The following SENP2 variants were observed in gnomAD, a reference collection of about 807,000 sequenced individuals.
SENP2 encodes the protein SUMO specific peptidase 2.
A neutral mutation model predicts 86.3 loss-of-function variants in SENP2; 16 were observed. That is an observed-to-expected ratio of 0.19 (90% CI 0.13 to 0.28). SENP2 has a LOEUF of 0.28. Among genes scored for constraint, SENP2 ranks in the 10% least tolerant of loss-of-function variants. SENP2 has a pLI of 1.00. For missense variants in SENP2, 552 were observed against 703.0 expected (o/e 0.79, Z 2.43); for synonymous variants, 222 against 238.7 (o/e 0.93, Z 0.64).
intron 16 of SENP2, 31 bp downstream of exon 16, chr3:185,626,424 T>C: frequency 1.4e-6 from 2 of 1,471,528 alleles, no homozygotes; most frequent in Non-Finnish European, 1.9e-6. Context: ...TCCATTTACT[T>C]GTTACTAAGC....
chr3:185,626,266 T>A (rs1419582432), intron 15 of SENP2, 32 bp from the exon 16 acceptor site: 1 of 1,412,372 alleles, frequency 7.1e-7, no homozygotes, highest in Non-Finnish European at 9.9e-7. Context: ...TGTTTTACCC[T>A]TTCCTCTCTT....
intron 5 of SENP2, among the ~76,000 whole-genome samples, chr3:185,602,257 T>C (rs1305181691): frequency 6.6e-6 from 1 of 152,178 alleles, no homozygotes; most frequent in Non-Finnish European, 1.5e-5. Context: ...AACTAAAAAC[T>C]AGCGCCCTCT....
At chr3:185,592,007 A>ATATTTTTTTTT (rs1722015953) in intron 2 of SENP2, among the ~76,000 whole-genome samples, 1 of 35,082 alleles carries the variant, frequency 2.9e-5, no homozygotes, top group East Asian at 8.3e-4. Context: ...AACCGGTAAT[A>ATATTTTTTTTT]TTTCTTTTTT....
rs1712561322 is a variant in SENP2, at chr3:185,633,000, C to G, written c.*3156C>G. On this transcript the variant is annotated 3_prime_UTR_variant, in exon 17 of 17. Transcript: ENST00000296257. The stretch of plus-strand genomic sequence containing the variant: ...GAGCTGGATGGGGGTGGGAGGGAAA[C>G]AGATTTGGGGCATATGGAAGATATT... The G allele has an allele frequency of 6.6e-6, 1 of 152,156 alleles. No homozygotes were observed. Among genetic ancestry groups the G allele is most frequent in the Non-Finnish European group, 1.5e-5 (1 of 68,018 alleles). 9.4% of individuals were successfully genotyped at this position (152,156 alleles called of 1,614,324 possible). A position where few individuals can be genotyped will look rare whatever the true frequency, so the allele number is the denominator to read the frequency against.
At chr3:185,619,639 G>GTT (rs911344384) in intron 13 of SENP2, 137 bp downstream of exon 13, 60 of 411,598 alleles carry the variant, frequency 1.5e-4, no homozygotes, top group South Asian at 4.2e-4. Context: ...TCTCTTTTTA[G>GTT]TTTTTTTTTT....
intron 11 of SENP2, 114 bp downstream of exon 11, chr3:185,614,854 A>G: frequency 1.1e-6 from 1 of 949,398 alleles, no homozygotes; most frequent in Non-Finnish European, 1.6e-6. Flanking sequence ...GAATATATGA[A>G]AACATGTCAG....
Position 185,614,654 on chromosome 3 carries a change from A to G in SENP2, c.1024A>G (p.Lys342Glu), listed in dbSNP as rs1482072196. 1 of 1,614,130 alleles carries G rather than the reference A, an allele frequency of 6.2e-7. No individual in the cohort carries two copies. Among genetic ancestry groups the G allele is most frequent in the Non-Finnish European group, 8.5e-7 (1 of 1,180,052 alleles). Reference sequence around the variant, plus strand: ...TGGAAGCAATGGCTTACTCAGGAGGAAAGTGTCAATAATTGAGACAAAGGA... The same window carrying G: ...TGGAAGCAATGGCTTACTCAGGAGGGAAGTGTCAATAATTGAGACAAAGGA... The part of the protein sequence containing the change: ...GSGSNGLLRR[K>E]VSIIETKEKN... Residue 342 changes from lysine (K) to glutamate (E), a missense_variant, in exon 11 of 17, where the codon AAA becomes GAA. By Grantham distance (56) the Lys-to-Glu change is moderately conservative. This residue lies in a region of SENP2 where 383 missense variants were observed against 427.3 expected (regional missense o/e 0.90). Coordinates refer to ENST00000296257, the MANE Select transcript of SENP2 (RefSeq NM_021627.3).
rs532074337 is a variant in SENP2, at chr3:185,610,953, G to A, written c.723-698G>A. ...AGCCTGAGCTACAGATCGAGACTCCGTCTCAAAATAAATAAATAAATAATT... is the reference window on the plus strand; with the variant it reads ...AGCCTGAGCTACAGATCGAGACTCCATCTCAAAATAAATAAATAAATAATT... On this transcript the variant is annotated intron_variant, in intron 7 of 16. Coordinates refer to ENST00000296257, the MANE Select transcript of SENP2 (RefSeq NM_021627.3). 7.2e-5 allele frequency among the ~76,000 whole-genome samples: 11 copies of A among 151,824 alleles called. No homozygotes were observed. In the South Asian group the frequency reaches 8.3e-4, roughly 11 times the overall value.
At chr3:185,599,568 T>C (rs181008201) in intron 4 of SENP2, among the ~76,000 whole-genome samples, 1 of 152,236 alleles carries the variant, frequency 6.6e-6, no homozygotes, top group East Asian at 1.9e-4. Flanking sequence ...AGTTGTGATG[T>C]CTGCCACTCA....
intron 7 of SENP2, among the ~76,000 whole-genome samples, chr3:185,610,122 C>T (rs185940602): frequency 1.4e-5 from 2 of 147,370 alleles, no homozygotes; most frequent in African/African-American, 2.5e-5. Flanking sequence ...AATAGCAAAT[C>T]GAAGATTAAA....
At chr3:185,611,798 CAGTG>C in intron 8 of SENP2, 53 bp downstream of exon 8, 1 of 1,244,964 alleles carries the variant, frequency 8.0e-7, no homozygotes, top group Non-Finnish European at 1.2e-6. Flanking sequence ...GTTCATGCTA[CAGTG>C]TTCATATGAG....
intron 12 of SENP2, among the ~76,000 whole-genome samples, chr3:185,617,998 G>C (rs977786259): frequency 6.6e-6 from 1 of 152,192 alleles, no homozygotes; most frequent in African/African-American, 2.4e-5. Flanking sequence ...AGGCTGGAGT[G>C]CAATGGCGCA....
chr3:185,614,387 G>T, intron 10 of SENP2, 177 bp from the exon 11 acceptor site: 1 of 596,494 alleles, frequency 1.7e-6, no homozygotes. Flanking sequence ...CCTAGGTCTG[G>T]AGCTTTTTTT....
chr3:185,618,160 T>C (rs1171733199), intron 12 of SENP2, among the ~76,000 whole-genome samples: 1 of 152,170 alleles, frequency 6.6e-6, no homozygotes, highest in Non-Finnish European at 1.5e-5. Context: ...GTCAGGTTGG[T>C]CTCAAACTCT....
chr3:185,610,154 CTTTTTTTTTTTT>C (rs557832407), intron 7 of SENP2, among the ~76,000 whole-genome samples: 1 of 115,080 alleles, frequency 8.7e-6, no homozygotes, highest in African/African-American at 3.2e-5. Context: ...TATTATCTAG[CTTTTTTTTTTTT>C]TTTTTTTTTT....
At chr3:185,590,867 CAA>C (rs1196821162) in intron 2 of SENP2, among the ~76,000 whole-genome samples, 15 of 13,532 alleles carry the variant, frequency 1.1e-3, no homozygotes, top group Admixed American at 1.3e-3. Flanking sequence ...CACTCCATCT[CAA>C]AAAAAAAAAA....
At chr3:185,592,320 C>T (rs529924901) in intron 2 of SENP2, among the ~76,000 whole-genome samples, 8 of 151,768 alleles carry the variant, frequency 5.3e-5, no homozygotes, top group East Asian at 1.9e-4. Context: ...TCCAAAGTGC[C>T]GGGATTATGG....
intron 10 of SENP2, 96 bp downstream of exon 10, chr3:185,613,504 T>C (rs1232704387): frequency 1.4e-6 from 1 of 718,614 alleles, no homozygotes; most frequent in African/African-American, 1.8e-5. Flanking sequence ...TATATATAAC[T>C]TTGATTGTTA....
rs369874440 is a variant in SENP2, at chr3:185,627,676, G to T, written c.1707+1283G>T. Among the ~76,000 whole-genome samples the T allele has an allele frequency of 2.6e-5, 4 of 152,214 alleles. No individual in the cohort carries two copies. The East Asian group carries it at 7.7e-4, about 29-fold the overall frequency. On this transcript the variant is annotated intron_variant, in intron 16 of 16. Transcript: ENST00000296257. Reference sequence around the variant, plus strand: ...TCCACCTGCCTCAGCCTCCCAAAGTGCTGGGATTACAGGCGTGAGCCACCG... The same window carrying T: ...TCCACCTGCCTCAGCCTCCCAAAGTTCTGGGATTACAGGCGTGAGCCACCG...
Sources: allele counts gnomAD v4.1 joint callset (sites outside exome capture counted in the v4.1 genomes callset), GRCh38; gene constraint gnomAD v4.1.1; regional missense constraint gnomAD v4.1.1; transcripts MANE v1.5; gene names NCBI Gene and HGNC (gene_info 2026-07-23, HGNC 2026-07-21).